KCNK1: variants seen among roughly 807,000 people sequenced by gnomAD.
The protein encoded by KCNK1 is potassium two pore domain channel subfamily K member 1, also known as potassium channel subfamily K member 1.
A neutral mutation model predicts 22.2 loss-of-function variants in KCNK1; 10 were observed. The observed-to-expected ratio is 0.45, with a 90% CI of 0.28 to 0.76. The LOEUF (loss-of-function observed/expected upper bound fraction) is 0.76, where lower values mean the gene tolerates loss of function less well. Ranked by LOEUF, KCNK1 falls within the 30% of genes least tolerant of loss-of-function variation. The probability of loss-of-function intolerance (pLI) is 0.14; values close to 1 mark genes in which losing one functional copy is unlikely to be tolerated. For missense variants in KCNK1, 378 were observed against 421.0 expected (o/e 0.90, Z 0.89); for synonymous variants, 200 against 186.4 (o/e 1.07, Z -0.60).
chr1:233,620,517 TC>T (rs992920860), intron 1 of KCNK1, among the ~76,000 whole-genome samples: 3 of 152,228 alleles, frequency 2.0e-5, no homozygotes, highest in Non-Finnish European at 2.9e-5. Flanking sequence ...GCTTTTTTTT[TC>T]CTTTAATGAT....
intron 1 of KCNK1, among the ~76,000 whole-genome samples, chr1:233,657,912 G>T (rs1658327668): frequency 6.6e-6 from 1 of 152,144 alleles, no homozygotes; most frequent in Non-Finnish European, 1.5e-5. Flanking sequence ...CACCAGCTTA[G>T]AGAGAATGGA....
intron 1 of KCNK1, among the ~76,000 whole-genome samples, 182 bp downstream of exon 1, chr1:233,614,708 C>A (rs1167735184): frequency 3.3e-5 from 5 of 150,536 alleles, no homozygotes; most frequent in African/African-American, 9.7e-5. Context: ...CCCTTACTGG[C>A]GTCCCCGGCC....
At chr1:233,629,743 A>G (rs1657757344) in intron 1 of KCNK1, 1 of 152,184 alleles carries the variant, frequency 6.6e-6, no homozygotes. Context: ...CCAGGGTGTG[A>G]TGCTCCGTAG....
chr1:233,655,226 T>C (rs750058130), intron 1 of KCNK1, among the ~76,000 whole-genome samples: 1 of 152,246 alleles, frequency 6.6e-6, no homozygotes, highest in Non-Finnish European at 1.5e-5. Flanking sequence ...TCTATTCTTT[T>C]CTTTCTTTTG....
chr1:233,636,720 G>C (rs1657903536), intron 1 of KCNK1: 1 of 149,508 alleles, frequency 6.7e-6, no homozygotes, highest in African/African-American at 2.5e-5. Flanking sequence ...ACAAGACTGG[G>C]GGGTGGTTAG....
chr1:233,634,084 A>G (rs686299), intron 1 of KCNK1, among the ~76,000 whole-genome samples: 110,369 of 151,850 alleles, frequency 0.73, 40,442 homozygotes, highest in African/African-American at 0.81. Flanking sequence ...GAGGCGGGCG[A>G]ATCACAAGGT....
intron 1 of KCNK1, among the ~76,000 whole-genome samples, chr1:233,617,567 T>A (rs1330878279): frequency 6.6e-6 from 1 of 152,066 alleles, no homozygotes; most frequent in Non-Finnish European, 1.5e-5. Context: ...ACAGGGAAGT[T>A]TATGTATTTT....
chr1:233,619,940 C>T (rs531732088), intron 1 of KCNK1, among the ~76,000 whole-genome samples: 4 of 6,646 alleles, frequency 6.0e-4, no homozygotes, highest in Non-Finnish European at 8.1e-4. Flanking sequence ...GGCGGGGGGG[C>T]AGGGGGGTGA....
Position 233,632,521 on chromosome 1 carries a change from A to G in KCNK1, c.355+17995A>G, listed in dbSNP as rs530427050. ...TAAGCTGCCAACAGTTCTTGTCAGG[A>G]TTCAATGTAGATGCTGCTGCTGGCT... On this transcript the variant is annotated intron_variant, in intron 1 of 2. Coordinates refer to ENST00000366621, the MANE Select transcript of KCNK1 (RefSeq NM_002245.4). 2.0e-5 allele frequency among the ~76,000 whole-genome samples: 3 copies of G among 152,050 alleles called. No homozygotes were observed. The East Asian group carries it at 5.8e-4, about 29-fold the overall frequency.
chr1:233,631,456 T>C, intron 1 of KCNK1: 1 of 375,682 alleles, frequency 2.7e-6, no homozygotes, highest in South Asian at 2.0e-5. Context: ...TCATTCCCGT[T>C]TGTGCCCTGG....
At chr1:233,653,754 C>T (rs7524378) in intron 1 of KCNK1, among the ~76,000 whole-genome samples, 107,544 of 151,718 alleles carry the variant, frequency 0.71, 38,259 homozygotes, top group Admixed American at 0.78. Context: ...TGCTTGCAGA[C>T]GGCATGCCAA....
In KCNK1 at chr1:233,672,352, A is replaced by C. The variant is rs1224475500; in HGVS notation, c.*822A>C. On this transcript the variant is annotated 3_prime_UTR_variant, in exon 3 of 3. Transcript: ENST00000366621. ...ACAGGTTATGAAAAGGATTTATTAAAAGGTTAAGATACTTTGTTTTGAAAG... is the reference window on the plus strand; with the variant it reads ...ACAGGTTATGAAAAGGATTTATTAACAGGTTAAGATACTTTGTTTTGAAAG... 7 of 151,992 alleles carry C rather than the reference A, an allele frequency of 4.6e-5. No homozygotes were observed. In the East Asian group the frequency reaches 1.2e-3, roughly 25 times the overall value. The allele number at this position is 151,992 out of a possible 1,614,324, so 9.4% of individuals were successfully genotyped here.
chr1:233,631,178 T>C, intron 1 of KCNK1: 1 of 466,942 alleles, frequency 2.1e-6, no homozygotes, highest in Non-Finnish European at 4.5e-6. Flanking sequence ...TCTATTTTAT[T>C]TATACCTACG....
chr1:233,656,128 T>A (rs1205973687), intron 1 of KCNK1, among the ~76,000 whole-genome samples: 1 of 152,196 alleles, frequency 6.6e-6, no homozygotes, highest in Non-Finnish European at 1.5e-5. Flanking sequence ...TAAACAAGTG[T>A]CATCCAAAGG....
At chr1:233,656,143 T>C (rs1337680512) in intron 1 of KCNK1, among the ~76,000 whole-genome samples, 4 of 152,194 alleles carry the variant, frequency 2.6e-5, no homozygotes, top group African/African-American at 9.6e-5. Context: ...CAAAGGACCA[T>C]CAGGATGGCT....
chr1:233,665,086 T>G (rs553393182), intron 1 of KCNK1, among the ~76,000 whole-genome samples: 2 of 152,256 alleles, frequency 1.3e-5, no homozygotes, highest in Admixed American at 1.3e-4. Flanking sequence ...TTCAACCAGG[T>G]AGAAAGTAAA....
intron 1 of KCNK1, among the ~76,000 whole-genome samples, chr1:233,641,920 G>T (rs953753751): frequency 8.5e-5 from 13 of 152,190 alleles, no homozygotes; most frequent in Admixed American, 4.6e-4. Context: ...TGAACAAATG[G>T]CAGGGCAGAT....
chr1:233,649,927 C>T (rs767142746), intron 1 of KCNK1: 1 of 533,084 alleles, frequency 1.9e-6, no homozygotes, highest in Non-Finnish European at 3.8e-6. Flanking sequence ...CTGTGTTCTG[C>T]CACTAAATGA....
At position 233,671,442 on chromosome 1, in the gene KCNK1, C is replaced by T. The variant is rs1238893450; in HGVS notation, c.923C>T (p.Ala308Val). ...TCCTTCTCCTCGATCACAGACCAGGCAGCTGGCATGAAAGAGGACCAGAAG... is the reference window on the plus strand; with the variant it reads ...TCCTTCTCCTCGATCACAGACCAGGTAGCTGGCATGAAAGAGGACCAGAAG... ...QLSFSSITDQ[A>V]AGMKEDQKQN... is the part of the protein sequence containing the mutation. The change falls in exon 3 of 3, where the codon GCA becomes GTA. Residue 308 changes from alanine to valine, a missense_variant. Ala to Val is a moderately conservative substitution (Grantham distance 64). Transcript: ENST00000366621. 2 of 1,614,038 alleles carry T rather than the reference C, an allele frequency of 1.2e-6. No homozygotes were observed. The highest frequency in any genetic ancestry group is 3.3e-5 in the Admixed American group (2 of 60,010).
Sources: gnomAD v4.1 joint callset for allele counts (sites outside exome capture counted in the v4.1 genomes callset) on GRCh38, gnomAD v4.1.1 for gene constraint, MANE v1.5 for transcripts, NCBI Gene and HGNC (gene_info 2026-07-23, HGNC 2026-07-21) for gene names.